ITGB5: variants seen among roughly 807,000 people sequenced by gnomAD.
ITGB5 encodes the protein integrin beta-5.
ITGB5 carries 38 observed loss-of-function variants against 84.8 expected under a neutral mutation model. The ratio of observed to expected loss-of-function variants is 0.45; its 90% CI spans 0.35 to 0.59. The LOEUF (loss-of-function observed/expected upper bound fraction) is 0.59, where lower values mean the gene tolerates loss of function less well. Ranked by LOEUF, ITGB5 falls within the 20% of genes least tolerant of loss-of-function variation. The probability of loss-of-function intolerance (pLI) is 0.01; values close to 1 mark genes in which losing one functional copy is unlikely to be tolerated. For synonymous variants in ITGB5, 393 were observed against 414.4 expected (o/e 0.95, Z 0.63); for missense variants, 905 against 1,034.5 (o/e 0.87, Z 1.72).
intron 9 of ITGB5, 85 bp downstream of exon 9, chr3:124,808,937 C>G (rs905958952): frequency 2.6e-5 from 37 of 1,450,616 alleles, no homozygotes; most frequent in Non-Finnish European, 3.2e-5. Context: ...CGAAAGGACT[C>G]TTAATAAGTC....
chr3:124,808,683 A>T (rs7617098), intron 9 of ITGB5, among the ~76,000 whole-genome samples: 1 of 152,198 alleles, frequency 6.6e-6, no homozygotes, highest in Middle Eastern at 3.4e-3. Context: ...GGAATGAAAG[A>T]CAGGTCTCCT....
intron 13 of ITGB5, 134 bp downstream of exon 13, chr3:124,766,092 G>T (rs2150921646): frequency 1.6e-4 from 111 of 708,388 alleles, no homozygotes; most frequent in Non-Finnish European, 2.3e-4. Context: ...AGAAGAAATT[G>T]TATCCCTCCT....
intron 1 of ITGB5, among the ~76,000 whole-genome samples, chr3:124,898,091 C>T (rs1935143232): frequency 6.6e-6 from 1 of 152,016 alleles, no homozygotes; most frequent in Admixed American, 6.6e-5. Context: ...ACCTGAATCA[C>T]CACTTTATGG....
intron 10 of ITGB5, among the ~76,000 whole-genome samples, chr3:124,781,479 G>A (rs993678545): frequency 6.6e-6 from 1 of 152,114 alleles, no homozygotes; most frequent in African/African-American, 2.4e-5. Flanking sequence ...CCATGTGCTG[G>A]TGTTGATTGT....
At chr3:124,781,943 G>C (rs564470796) in intron 10 of ITGB5, among the ~76,000 whole-genome samples, 1 of 152,208 alleles carries the variant, frequency 6.6e-6, no homozygotes, top group Non-Finnish European at 1.5e-5. Flanking sequence ...ACCAGTAGGA[G>C]AGGAATAGTG....
At chr3:124,783,148 G>A (rs997582832) in intron 10 of ITGB5, among the ~76,000 whole-genome samples, 7 of 151,942 alleles carry the variant, frequency 4.6e-5, no homozygotes, top group East Asian at 1.9e-4. Context: ...AAAATTAGCC[G>A]GGCGTGGTGG....
chr3:124,797,767 C>G (rs1029480444), intron 9 of ITGB5, among the ~76,000 whole-genome samples: 1 of 152,080 alleles, frequency 6.6e-6, no homozygotes, highest in Non-Finnish European at 1.5e-5. Context: ...TCTGAATCAC[C>G]CATCAGGGCC....
chr3:124,870,145 CTT>C (rs1933926143), intron 2 of ITGB5, among the ~76,000 whole-genome samples: 2 of 152,290 alleles, frequency 1.3e-5, no homozygotes, highest in East Asian at 1.9e-4. Context: ...TAACAGTACT[CTT>C]ATATCAAATA....
chr3:124,885,551 AG>A (rs1207426687), intron 1 of ITGB5, among the ~76,000 whole-genome samples: 1 of 152,242 alleles, frequency 6.6e-6, no homozygotes. Flanking sequence ...CACCAAAAAA[AG>A]AAAAAGTGCC....
chr3:124,899,139 C>A (rs1935171237), intron 1 of ITGB5, among the ~76,000 whole-genome samples: 1 of 151,926 alleles, frequency 6.6e-6, no homozygotes, highest in African/African-American at 2.4e-5. Flanking sequence ...GGTAAAGACC[C>A]CTTACTCAGG....
At chr3:124,856,065 C>T (rs2065218869) in intron 3 of ITGB5, among the ~76,000 whole-genome samples, 1 of 151,990 alleles carries the variant, frequency 6.6e-6, no homozygotes, top group South Asian at 2.1e-4. Flanking sequence ...TCAGTCTCCC[C>T]CATAGCAACG....
At chr3:124,811,334 A>T (rs904584537) in intron 8 of ITGB5, among the ~76,000 whole-genome samples, 1 of 152,250 alleles carries the variant, frequency 6.6e-6, no homozygotes, top group African/African-American at 2.4e-5. Flanking sequence ...CAGCTATGCT[A>T]AGGTCTCAGG....
At chr3:124,808,283 C>T (rs2064441727) in intron 9 of ITGB5, among the ~76,000 whole-genome samples, 2 of 152,176 alleles carry the variant, frequency 1.3e-5, no homozygotes, top group South Asian at 4.2e-4. Context: ...CACTGGCTTT[C>T]TGTTTTCTGA....
At position 124,852,142 on chromosome 3, in the gene ITGB5, G is replaced by A. The variant is rs142082459; in HGVS notation, c.362-3584C>T. Among the ~76,000 whole-genome samples the A allele has an allele frequency of 4.8e-3, 733 of 152,152 alleles. 1 individual carries two copies. Among genetic ancestry groups the A allele is most frequent in the Non-Finnish European group, 7.9e-3 (538 of 68,008 alleles). ...AGCCAATCGCCACCTCCCGCTGCCCGGCAGAGTGGGAAGCGCTTCTCGCCT... is the reference window on the plus strand; with the variant it reads ...AGCCAATCGCCACCTCCCGCTGCCCAGCAGAGTGGGAAGCGCTTCTCGCCT... On this transcript the variant is annotated intron_variant, in intron 3 of 14. Transcript: ENST00000296181.
rs779070153 is a variant in ITGB5 at position 124,817,700 on chromosome 3, G to A, written c.1049C>T (p.Ala350Val). 10 of 1,581,688 alleles carry A rather than the reference G, an allele frequency of 6.3e-6. No homozygotes were observed. Among genetic ancestry groups the A allele is most frequent in the Non-Finnish European group, 8.6e-6 (10 of 1,162,972 alleles). Reference sequence around the variant, plus strand: ...CTCCACCGTTGTTCCAGGTATCAGGGCTGTAAAATTCTTGGGAAAAAAAGT... The same window carrying A: ...CTCCACCGTTGTTCCAGGTATCAGGACTGTAAAATTCTTGGGAAAAAAAGT... ...NHYMLYKNFTALIPGTTVEIL... is the reference protein window; with the variant it reads ...NHYMLYKNFTVLIPGTTVEIL... Residue 350 changes from alanine to valine, a missense_variant, in exon 8 of 15, where the codon GCC becomes GTC. Around this residue, in one of 3 missense-constraint regions of ITGB5, gnomAD observed 656 missense variants for 734.7 expected, o/e 0.89. Transcript: ENST00000296181.
chr3:124,773,725 C>T lies in ITGB5; in HGVS notation c.1881G>A (p.Lys627=), dbSNP rs765949541. The change falls in exon 11 of 15, where the codon AAG becomes AAA. Residue 627 remains lysine, a synonymous_variant. Coordinates refer to ENST00000296181, the MANE Select transcript of ITGB5 (RefSeq NM_002213.5). ...TGCATGCATCCGGGCAGGTGGGGCA[C>T]TTCTCACACATCTCCCCAAAGGCCC... ...EPGAFGEMCE[K]CPTCPDACST... The T allele has an allele frequency of 6.2e-7, 1 of 1,612,454 alleles. No homozygotes were observed. Among genetic ancestry groups the T allele is most frequent in the Non-Finnish European group, 8.5e-7 (1 of 1,180,022 alleles).
intron 5 of ITGB5, among the ~76,000 whole-genome samples, chr3:124,831,186 C>A (rs2064855388): frequency 6.6e-6 from 1 of 152,128 alleles, no homozygotes; most frequent in East Asian, 1.9e-4. Context: ...CCATGCCCGG[C>A]ACCACCCACT....
At chr3:124,766,479 G>T in intron 12 of ITGB5, 134 bp from the exon 13 acceptor site, 1 of 1,059,954 alleles carries the variant, frequency 9.4e-7, no homozygotes, top group Non-Finnish European at 1.4e-6. Context: ...TTAAGGGGAG[G>T]CTGGGCCTTT....
chr3:124,858,131 C>A (rs2065244614), intron 3 of ITGB5, among the ~76,000 whole-genome samples: 1 of 129,214 alleles, frequency 7.7e-6, no homozygotes, highest in Non-Finnish European at 1.6e-5. Flanking sequence ...GATACCCCAT[C>A]TCAAAAAAAA....
Sources: gnomAD v4.1 joint callset for allele counts (sites outside exome capture counted in the v4.1 genomes callset) on GRCh38, gnomAD v4.1.1 for gene constraint, gnomAD v4.1.1 regional missense constraint, MANE v1.5 for transcripts, NCBI Gene and HGNC (gene_info 2026-07-23, HGNC 2026-07-21) for gene names.